STK3: variants seen among roughly 807,000 people sequenced by gnomAD.
STK3 encodes serine/threonine-protein kinase 3.
STK3 carries 41 observed loss-of-function variants against 58.0 expected under a neutral mutation model. The ratio of observed to expected loss-of-function variants is 0.71; its 90% CI spans 0.55 to 0.92. The LOEUF (loss-of-function observed/expected upper bound fraction) is 0.92. Ranked by LOEUF, STK3 falls within the 40% of genes least tolerant of loss-of-function variation. The pLI is 0.00. For synonymous variants in STK3, 170 were observed against 191.0 expected (o/e 0.89, Z 0.91); for missense variants, 479 against 602.7 (o/e 0.79, Z 2.15).
At chr8:98,404,835 A>G (rs1024399938) in intron 3 of STK3, among the ~76,000 whole-genome samples, 2 of 152,196 alleles carry the variant, frequency 1.3e-5, no homozygotes, top group African/African-American at 4.8e-5. Flanking sequence ...TGGGCAACAG[A>G]GTGAGACCTT....
rs554547225 is a variant in STK3 at position 98,533,599 on chromosome 8, C to A, written c.1142-6682G>T. 9.7e-3 allele frequency among the ~76,000 whole-genome samples: 1,481 copies of A among 152,146 alleles called. 10 individuals are homozygous for A. The highest frequency in any genetic ancestry group is 0.019 in the Admixed American group (290 of 15,276). ...ACCTTCTGGGCTCAAGCGATTTTCCCATCTCAGCCTCCTGAGTAGCTAGGA... is the reference window on the plus strand; with the variant it reads ...ACCTTCTGGGCTCAAGCGATTTTCCAATCTCAGCCTCCTGAGTAGCTAGGA... On this transcript the variant is annotated intron_variant, in intron 9 of 10. Coordinates refer to ENST00000419617, the MANE Select transcript of STK3 (RefSeq NM_006281.4).
chr8:98,856,365 A>T (rs1178955677), intron 3 of STK3, among the ~76,000 whole-genome samples: 2 of 151,938 alleles, frequency 1.3e-5, no homozygotes, highest in African/African-American at 4.8e-5. Flanking sequence ...ATAAAAAGCC[A>T]AATAACACAA....
chr8:98,645,005 T>A (rs1281234959), intron 6 of STK3, among the ~76,000 whole-genome samples: 1 of 152,256 alleles, frequency 6.6e-6, no homozygotes, highest in African/African-American at 2.4e-5. Flanking sequence ...ATTTACTGCA[T>A]GTTCACATTA....
Position 98,855,551 on chromosome 8 carries a change from A to G in STK3, c.110+28096T>C, listed in dbSNP as rs1018276197. Among the ~76,000 whole-genome samples, 4 of 152,332 alleles carry G rather than the reference A, an allele frequency of 2.6e-5. No individual in the cohort carries two copies. The South Asian group carries it at 8.3e-4, about 32-fold the overall frequency. ...GACATAATAGAAGAGCAAAAACTAT[A>G]AACTATTAGAGGAAAATATAGGGGT... is the stretch of plus-strand genomic sequence containing the variant. On this transcript the variant is annotated intron_variant, in intron 3 of 12. Transcript: ENST00000523601.
intron 9 of STK3, 117 bp from the exon 10 acceptor site, chr8:98,527,034 G>A: frequency 4.4e-6 from 3 of 674,638 alleles, no homozygotes; most frequent in African/African-American, 3.7e-5. Flanking sequence ...TCAGATTCAA[G>A]GCCAACATAA....
chr8:98,738,014 G>A (rs752281948), intron 4 of STK3, among the ~76,000 whole-genome samples: 1 of 152,136 alleles, frequency 6.6e-6, no homozygotes, highest in South Asian at 2.1e-4. Context: ...CCGGCCGAAT[G>A]ATTTTCAAGA....
At chr8:98,585,790 T>A (rs1373618883) in intron 7 of STK3, among the ~76,000 whole-genome samples, 1 of 152,106 alleles carries the variant, frequency 6.6e-6, no homozygotes, top group Non-Finnish European at 1.5e-5. Flanking sequence ...GGTTTGTAGT[T>A]CTCCTTGAAG....
chr8:98,879,797 C>G (rs1837725820), downstream of STK3: 1 of 152,010 alleles, frequency 6.6e-6, no homozygotes, highest in Non-Finnish European at 1.5e-5. Context: ...CATAATATTA[C>G]TAAAAAAGAT....
intron 3 of STK3, among the ~76,000 whole-genome samples, chr8:98,865,923 T>G (rs911502414): frequency 6.6e-6 from 1 of 152,240 alleles, no homozygotes; most frequent in Admixed American, 6.5e-5. Context: ...TGCCCCAGAC[T>G]GTTTCTTCCT....
At chr8:98,940,040 G>C (rs1192960132) in intron 1 of STK3, among the ~76,000 whole-genome samples, 2 of 152,244 alleles carry the variant, frequency 1.3e-5, no homozygotes, top group East Asian at 3.9e-4. Context: ...TCTCTCCGAC[G>C]AGGCAAACTG....
chr8:98,593,481 G>A lies in STK3; in HGVS notation c.822+2551C>T, dbSNP rs533318055. 7.9e-5 allele frequency among the ~76,000 whole-genome samples: 12 copies of A among 152,256 alleles called. 1 individual carries two copies. Among genetic ancestry groups the A allele is most frequent in the African/African-American group, 2.6e-4 (11 of 41,530 alleles). ...GGTCCCCAACCTCCAGCTGCAGACT[G>A]GTACCTGCCTTGGCCTGTTATGAAC... On this transcript the variant is annotated intron_variant, in intron 7 of 10. Transcript: ENST00000419617.
Position 98,428,089 on chromosome 8 carries a change from G to T in STK3, n.483+6038C>A. 6.2e-7 allele frequency: 1 copy of T among 1,613,806 alleles called. No individual in the cohort carries two copies. The highest frequency in any genetic ancestry group is 1.7e-5 in the Admixed American group (1 of 60,016). Reference sequence around the variant, plus strand: ...AGGCTGCGCTCGCACACGCTGCTGCGCTTCCCCGAGACGCGCCTGGGCCGC... The same window carrying T: ...AGGCTGCGCTCGCACACGCTGCTGCTCTTCCCCGAGACGCGCCTGGGCCGC... On this transcript the variant is annotated intron_variant and non_coding_transcript_variant, in intron 3 of 3. Transcript: ENST00000517832. This position sits in a 1 kb window ranked among gnomAD's most constrained non-coding sequence, Gnocchi z 6.7.
At chr8:98,811,042 T>C (rs1834186934) in intron 1 of STK3, among the ~76,000 whole-genome samples, 1 of 152,178 alleles carries the variant, frequency 6.6e-6, no homozygotes, top group African/African-American at 2.4e-5. Flanking sequence ...TGCAGAACCA[T>C]GGGCCAAGTA....
intron 3 of STK3, among the ~76,000 whole-genome samples, chr8:98,853,920 G>C (rs1469724141): frequency 6.6e-6 from 1 of 152,096 alleles, no homozygotes; most frequent in Non-Finnish European, 1.5e-5. Flanking sequence ...CATTCCATGA[G>C]GAATACCAAT....
In STK3 at chr8:98,768,007, T is replaced by G. The variant is rs199501811; in HGVS notation, c.108-636A>C. Among the ~76,000 whole-genome samples, 4 of 152,352 alleles carry G rather than the reference T, an allele frequency of 2.6e-5. No homozygotes were observed. In the East Asian group the frequency reaches 5.8e-4, roughly 22 times the overall value. On this transcript the variant is annotated intron_variant, in intron 2 of 10. Transcript: ENST00000419617. ...AATAGTCACTTGCCCAAAACCTGTCTCTGCTACAACTCCTGAAACTTTGCC... is the reference window on the plus strand; with the variant it reads ...AATAGTCACTTGCCCAAAACCTGTCGCTGCTACAACTCCTGAAACTTTGCC...
chr8:98,764,551 A>G (rs1830826008), intron 3 of STK3, among the ~76,000 whole-genome samples: 1 of 152,234 alleles, frequency 6.6e-6, no homozygotes, highest in Non-Finnish European at 1.5e-5. Flanking sequence ...TTGCTAAAAG[A>G]CTAAGTAGAT....
intron 3 of STK3, among the ~76,000 whole-genome samples, chr8:98,856,233 T>A (rs1162238965): frequency 6.8e-6 from 1 of 146,600 alleles, no homozygotes; most frequent in Non-Finnish European, 1.5e-5. Context: ...GAGGCTGAGG[T>A]CTCAACCTGG....
At chr8:98,566,979 GA>G (rs1812530999) in intron 8 of STK3, among the ~76,000 whole-genome samples, 1 of 151,664 alleles carries the variant, frequency 6.6e-6, no homozygotes. Flanking sequence ...TAAAGCAAAA[GA>G]AAAAAAGAAA....
chr8:98,935,923 TTA>T (rs1341637605), intron 1 of STK3, among the ~76,000 whole-genome samples: 3 of 149,822 alleles, frequency 2.0e-5, no homozygotes, highest in African/African-American at 7.4e-5. Flanking sequence ...TTTTATTTAT[TTA>T]TTTTTTTTTG....
Sources: allele counts gnomAD v4.1 joint callset (sites outside exome capture counted in the v4.1 genomes callset), GRCh38; gene constraint gnomAD v4.1.1; non-coding constraint Gnocchi (gnomAD v3.1); transcripts MANE v1.5; gene names NCBI Gene and HGNC (gene_info 2026-07-23, HGNC 2026-07-21).